PRPF31: variants seen among roughly 807,000 people sequenced by gnomAD.
PRPF31 encodes pre-mRNA processing factor 31, also known as U4/U6 small nuclear ribonucleoprotein Prp31.
Under a neutral mutation model 60.4 loss-of-function variants are expected in PRPF31, and 12 were observed. That is an observed-to-expected ratio of 0.20 (90% confidence interval 0.13 to 0.32). The LOEUF (loss-of-function observed/expected upper bound fraction) is 0.32, where lower values mean the gene tolerates loss of function less well. PRPF31 is among the 10% of genes least tolerant of loss of function. PRPF31 has a pLI of 1.00. For synonymous variants in PRPF31, 287 were observed against 287.9 expected (o/e 1.00, Z 0.03); for missense variants, 431 against 687.1 (o/e 0.63, Z 4.17).
At chr19:54,126,277 C>G (rs141125499) in intron 8 of PRPF31, among the ~76,000 whole-genome samples, 26 of 152,218 alleles carry the variant, frequency 1.7e-4, no homozygotes, top group Non-Finnish European at 3.1e-4. Context: ...CCACCGTCCT[C>G]GTTGTCAGCG....
At chr19:54,117,436 C>A (rs587615112) in intron 1 of PRPF31, among the ~76,000 whole-genome samples, 1 of 152,158 alleles carries the variant, frequency 6.6e-6, no homozygotes, top group African/African-American at 2.4e-5. Context: ...TCTTGAGTCA[C>A]GGGCCACCTG....
At chr19:54,118,508 A>G (rs2073706198) in intron 2 of PRPF31, 53 bp downstream of exon 2, 2 of 1,613,736 alleles carry the variant, frequency 1.2e-6, no homozygotes. Flanking sequence ...AATCTCCCAG[A>G]AGGGGGTGAT....
intron 5 of PRPF31, 89 bp from the exon 6 acceptor site, chr19:54,123,365 A>G (rs2073839904): frequency 2.0e-6 from 2 of 991,214 alleles, no homozygotes; most frequent in Non-Finnish European, 3.3e-6. Flanking sequence ...AGTGTCCCTA[A>G]GAAGAGACCT....
At position 54,118,567 on chromosome 19, in the gene PRPF31, C is replaced by T. The variant is rs2073708496; in HGVS notation, c.178-6C>T. ...TGGATTCTGACTGTCTTCTCCTTTCCTACAGTTTGCTGAGATTATGATGAA... is the reference window on the plus strand; with the variant it reads ...TGGATTCTGACTGTCTTCTCCTTTCTTACAGTTTGCTGAGATTATGATGAA... On this transcript the variant is annotated splice_polypyrimidine_tract_variant and splice_region_variant and intron_variant, in intron 2 of 13. Transcript: ENST00000321030. 1 of 1,614,054 alleles carries T rather than the reference C, an allele frequency of 6.2e-7. No individual in the cohort carries two copies. The highest frequency in any genetic ancestry group is 8.5e-7 in the Non-Finnish European group (1 of 1,179,994).
chr19:54,131,293 C>T lies in PRPF31; in HGVS notation c.1375-14C>T. 1 of 1,613,786 alleles carries T rather than the reference C, an allele frequency of 6.2e-7. No individual in the cohort carries two copies. Among genetic ancestry groups the T allele is most frequent in the Non-Finnish European group, 8.5e-7 (1 of 1,179,950 alleles). ...CTCACCTAACCCATCATCCTCTCTC[C>T]CTCACCTGCCCAGGGCCTGGAGATT... On this transcript the variant is annotated splice_polypyrimidine_tract_variant and intron_variant, in intron 13 of 13. Coordinates refer to ENST00000321030, the MANE Select transcript of PRPF31 (RefSeq NM_015629.4).
At chr19:54,122,358 G>A in intron 4 of PRPF31, 139 bp from the exon 5 acceptor site, 1 of 783,800 alleles carries the variant, frequency 1.3e-6, no homozygotes, top group Non-Finnish European at 2.3e-6. Flanking sequence ...GCTGAGAAAG[G>A]CTGTATGCTG....
At chr19:54,124,677 C>T (rs1318281431) in intron 8 of PRPF31, 21 bp downstream of exon 8, 1 of 1,609,440 alleles carries the variant, frequency 6.2e-7, no homozygotes, top group African/African-American at 1.3e-5. Context: ...TGCGTCATGG[C>T]CCCTCCCCCG....
At chr19:54,117,256 G>C (rs937680168) in intron 1 of PRPF31, among the ~76,000 whole-genome samples, 2 of 152,194 alleles carry the variant, frequency 1.3e-5, no homozygotes, top group Non-Finnish European at 2.9e-5. Context: ...TGAAAGTAAA[G>C]CAGCTTTACT....
chr19:54,126,695 A>C lies in PRPF31; in HGVS notation c.945+78A>C, dbSNP rs1357493154. On this transcript the variant is annotated intron_variant, in intron 9 of 13. Coordinates refer to ENST00000321030, the MANE Select transcript of PRPF31 (RefSeq NM_015629.4). ...GTGTCTCTGCAGGGAGACCCTCAGC[A>C]GGGAGCCCACCCCAGCGAGCACTGT... is the stretch of plus-strand genomic sequence containing the variant. The C allele has an allele frequency of 3.6e-6, 5 of 1,393,788 alleles. No individual in the cohort carries two copies. In the African/African-American group the frequency reaches 7.1e-5, roughly 20 times the overall value. The allele number at this position is 1,393,788 out of a possible 1,614,324, so 86.3% of individuals were successfully genotyped here.
chr19:54,122,973 A>G, intron 5 of PRPF31: 2 of 462,468 alleles, frequency 4.3e-6, no homozygotes, highest in Non-Finnish European at 8.0e-6. Flanking sequence ...GCGGGGAAGG[A>G]GGGGACGGGG....
intron 1 of PRPF31, among the ~76,000 whole-genome samples, chr19:54,117,585 G>A (rs141173658): frequency 4.0e-4 from 60 of 151,700 alleles, no homozygotes; most frequent in African/African-American, 1.3e-3. Context: ...GGTGGCTTAC[G>A]CCTGTAATCC....
chr19:54,122,491 C>T lies in PRPF31; in HGVS notation c.323-6C>T, dbSNP rs1475995795. 1.2e-6 allele frequency: 2 copies of T among 1,609,200 alleles called. No individual in the cohort carries two copies. Among genetic ancestry groups the T allele is most frequent in the Non-Finnish European group, 1.7e-6 (2 of 1,175,474 alleles). ...ACCCGACAACCTCCTGTCCCGTTTACCCTAGACATCATCCATAAGTTCATC... is the reference window on the plus strand; with the variant it reads ...ACCCGACAACCTCCTGTCCCGTTTATCCTAGACATCATCCATAAGTTCATC... On this transcript the variant is annotated splice_region_variant and splice_polypyrimidine_tract_variant and intron_variant, in intron 4 of 13. Transcript: ENST00000321030.
At chr19:54,124,246 C>T (rs11670086) in intron 7 of PRPF31, 82,250 of 633,210 alleles carry the variant, frequency 0.13, 5,814 homozygotes, top group Admixed American at 0.21. Context: ...TTAGCACAAA[C>T]GTGGTGGTCA....
rs760236177 is a variant in PRPF31, at chr19:54,118,311, C to G, written c.33C>G (p.Leu11=). The part of the protein sequence containing the change: MSLADELLAD[L]EEAAEEEEGG... ...TGGCAGATGAGCTCTTAGCTGATCT[C>G]GAAGAGGCAGCAGAAGAGGAGGAAG... Residue 11 remains leucine, a synonymous_variant, in exon 2 of 14, where the codon CTC becomes CTG. Coordinates refer to ENST00000321030, the MANE Select transcript of PRPF31 (RefSeq NM_015629.4). 11 of 1,613,212 alleles carry G rather than the reference C, an allele frequency of 6.8e-6. No homozygotes were observed. The highest frequency in any genetic ancestry group is 2.2e-5 in the South Asian group (2 of 91,040).
intron 1 of PRPF31, among the ~76,000 whole-genome samples, chr19:54,116,705 G>C (rs1291364279): frequency 6.6e-6 from 1 of 152,232 alleles, no homozygotes; most frequent in Non-Finnish European, 1.5e-5. Flanking sequence ...TGCGGGACAC[G>C]TTATCACAAA....
chr19:54,122,374 C>T (rs1033215139), intron 4 of PRPF31, 123 bp from the exon 5 acceptor site: 45 of 809,456 alleles, frequency 5.6e-5, no homozygotes, highest in South Asian at 1.1e-4. Context: ...TGCTGGTGCC[C>T]GTGTGCCAGG....
chr19:54,131,669 A>T lies in PRPF31; in HGVS notation c.*237A>T, dbSNP rs1348087601. 4.9e-6 allele frequency: 3 copies of T among 610,042 alleles called. No individual in the cohort carries two copies. The highest frequency in any genetic ancestry group is 3.7e-5 in the African/African-American group (2 of 54,016). The allele number at this position is 610,042 out of a possible 1,614,324, so 37.8% of individuals were successfully genotyped here. On this transcript the variant is annotated 3_prime_UTR_variant, in exon 14 of 14. Transcript: ENST00000321030. ...ATGCCTTGTCTTTTTTAACTGAGAAAGGAGATTTTTTGAAAAGAGTACAAT... is the reference window on the plus strand; with the variant it reads ...ATGCCTTGTCTTTTTTAACTGAGAATGGAGATTTTTTGAAAAGAGTACAAT...
In PRPF31 at chr19:54,118,602, G is replaced by A. The variant is rs886054619; in HGVS notation, c.207G>A (p.Glu69=). Residue 69 remains glutamate (E), a synonymous_variant, in exon 3 of 14, where the codon GAG becomes GAA. Transcript: ENST00000321030. The part of the protein sequence containing the change: ...MFAEIMMKIE[E]YISKQAKASE... Reference sequence around the variant, plus strand: ...CTGAGATTATGATGAAGATTGAGGAGTATATCAGCAAGCAAGCCAAAGCTT... The same window carrying A: ...CTGAGATTATGATGAAGATTGAGGAATATATCAGCAAGCAAGCCAAAGCTT... The A allele has an allele frequency of 2.5e-6, 4 of 1,614,090 alleles. No homozygotes were observed. In the East Asian group the frequency reaches 6.7e-5, roughly 27 times the overall value.
In PRPF31 at chr19:54,122,518, G is replaced by T; in HGVS notation, c.344G>T (p.Arg115Leu). The T allele has an allele frequency of 6.2e-7, 1 of 1,613,856 alleles. No individual in the cohort carries two copies. Among genetic ancestry groups the T allele is most frequent in the Non-Finnish European group, 8.5e-7 (1 of 1,179,758 alleles). ...NELNIIHKFI[R>L]DKYSKRFPEL... ...CTAGACATCATCCATAAGTTCATCCGGGATAAGTACTCAAAGAGATTCCCT... is the reference window on the plus strand; with the variant it reads ...CTAGACATCATCCATAAGTTCATCCTGGATAAGTACTCAAAGAGATTCCCT... The change falls in exon 5 of 14, where the codon CGG becomes CTG. Residue 115 changes from arginine to leucine, a missense_variant. Coordinates refer to ENST00000321030, the MANE Select transcript of PRPF31 (RefSeq NM_015629.4).
Sources: gnomAD v4.1 joint callset for allele counts (sites outside exome capture counted in the v4.1 genomes callset) on GRCh38, gnomAD v4.1.1 for gene constraint, MANE v1.5 for transcripts, NCBI Gene and HGNC (gene_info 2026-07-23, HGNC 2026-07-21) for gene names.